Variants in OSBPL6 observed in about 807,000 individuals in gnomAD.
The protein encoded by OSBPL6 is oxysterol-binding protein-related protein 6.
In OSBPL6, 49 loss-of-function variants were observed where a neutral mutation model predicts 125.8. The observed-to-expected ratio is 0.39, with a 90% confidence interval of 0.31 to 0.49. The LOEUF (loss-of-function observed/expected upper bound fraction) is 0.49. Ranked by LOEUF, OSBPL6 falls within the 20% of genes least tolerant of loss-of-function variation. OSBPL6 has a pLI of 0.88. For synonymous variants in OSBPL6, 394 were observed against 391.8 expected (o/e 1.01, Z -0.07); for missense variants, 986 against 1,135.4 (o/e 0.87, Z 1.89).
At chr2:178,224,407 G>C (rs1314992394) in intron 1 of OSBPL6, among the ~76,000 whole-genome samples, 2 of 152,100 alleles carry the variant, frequency 1.3e-5, no homozygotes, top group Non-Finnish European at 2.9e-5. Flanking sequence ...AAGAACTTTG[G>C]AGACTTCTGA....
chr2:178,212,175 C>T (rs1483771916), intron 1 of OSBPL6, among the ~76,000 whole-genome samples: 1 of 152,158 alleles, frequency 6.6e-6, no homozygotes, highest in East Asian at 1.9e-4. Flanking sequence ...AAGCTCAGCA[C>T]ACTGTAGAGG....
chr2:178,200,160 G>A (rs2089164090), intron 1 of OSBPL6, among the ~76,000 whole-genome samples: 1 of 150,632 alleles, frequency 6.6e-6, no homozygotes, highest in South Asian at 2.1e-4. Flanking sequence ...GCTTCTTTTT[G>A]CTTTTAAAAT....
chr2:178,255,517 G>A (rs538394917), intron 1 of OSBPL6, among the ~76,000 whole-genome samples: 1 of 152,286 alleles, frequency 6.6e-6, no homozygotes, highest in South Asian at 2.1e-4. Flanking sequence ...TGAGATTTGG[G>A]TGGGGACACA....
chr2:178,300,238 G>A (rs868861326), intron 2 of OSBPL6, among the ~76,000 whole-genome samples: 123 of 152,302 alleles, frequency 8.1e-4, no homozygotes, highest in African/African-American at 2.6e-3. Flanking sequence ...ATTAGAAAAA[G>A]TGGCAGCGTT....
At chr2:178,323,211 A>G (rs1358097537) in intron 3 of OSBPL6, among the ~76,000 whole-genome samples, 2 of 152,158 alleles carry the variant, frequency 1.3e-5, no homozygotes, top group African/African-American at 4.8e-5. Context: ...CTTGAATCTG[A>G]TGGGTAAAAG....
rs2089695280 is a variant in OSBPL6 at position 178,208,920 on chromosome 2, TA to T, written c.-351+14247del. On this transcript the variant is annotated intron_variant, in intron 1 of 24. Transcript: ENST00000190611. The stretch of plus-strand genomic sequence containing the variant: ...TTACACTATTCTCATTCTTGATTTA[TA>T]GTCTGGGCCTAAAATTCAAGGTTGG... Among the ~76,000 whole-genome samples the T allele has an allele frequency of 1.2e-4, 17 of 145,012 alleles. No homozygotes were observed. In the Admixed American group the frequency reaches 1.2e-3, roughly 10 times the overall value.
chr2:178,325,587 A>G (rs1688630869), intron 4 of OSBPL6, among the ~76,000 whole-genome samples: 1 of 150,712 alleles, frequency 6.6e-6, no homozygotes, highest in Non-Finnish European at 1.5e-5. Flanking sequence ...AGTTAGCTAA[A>G]GGAAATAGAG....
intron 22 of OSBPL6, 103 bp downstream of exon 22, chr2:178,391,320 A>T: frequency 7.8e-7 from 1 of 1,280,168 alleles, no homozygotes; most frequent in Non-Finnish European, 1.0e-6. Flanking sequence ...GTTTCCTTTA[A>T]GAGTGAGATT....
rs889320715 is a variant in OSBPL6, at chr2:178,398,798, A to G, written c.*3239A>G. 2.0e-5 allele frequency: 3 copies of G among 152,172 alleles called. No homozygotes were observed. Among genetic ancestry groups the G allele is most frequent in the Non-Finnish European group, 4.4e-5 (3 of 68,020 alleles). 9.4% of individuals were successfully genotyped at this position (152,172 alleles called of 1,614,324 possible). ...CCCTAGGCCTTTCAGCAACCCCACT[A>G]ATCAATTATTAGATCCTGCCCCAAG... On this transcript the variant is annotated 3_prime_UTR_variant, in exon 25 of 25. Coordinates refer to ENST00000190611, the MANE Select transcript of OSBPL6 (RefSeq NM_032523.4).
intron 1 of OSBPL6, among the ~76,000 whole-genome samples, chr2:178,236,493 C>T (rs2091057139): frequency 6.6e-6 from 1 of 152,156 alleles, no homozygotes; most frequent in Non-Finnish European, 1.5e-5. Flanking sequence ...CTGTGTGGGC[C>T]TGCTACCCCT....
chr2:178,287,602 A>G (rs1189328373), intron 2 of OSBPL6, among the ~76,000 whole-genome samples: 1 of 152,184 alleles, frequency 6.6e-6, no homozygotes, highest in Non-Finnish European at 1.5e-5. Context: ...CTATAGGAGA[A>G]AAAAACTGAA....
intron 12 of OSBPL6, among the ~76,000 whole-genome samples, chr2:178,360,848 A>C (rs190613404): frequency 4.8e-4 from 73 of 152,332 alleles, no homozygotes; most frequent in Admixed American, 1.6e-3. Context: ...TTCCCCCTGT[A>C]ATTCAGCCAC....
At position 178,298,694 on chromosome 2, in the gene OSBPL6, G is replaced by GT. The variant is rs757606940; in HGVS notation, c.-155-7336_-155-7335insT. On this transcript the variant is annotated intron_variant, in intron 2 of 24. Coordinates refer to ENST00000190611, the MANE Select transcript of OSBPL6 (RefSeq NM_032523.4). ...CACCATGCCCAGCCTATTTTTAGTT[G>GT]CTTTTTTTTTTGTTTTTTTTTTTTT... Among the ~76,000 whole-genome samples, 273 of 139,410 alleles carry GT rather than the reference G, an allele frequency of 2.0e-3. 5 individuals are homozygous for GT. The highest frequency in any genetic ancestry group is 6.8e-3 in the South Asian group (30 of 4,430). The allele number at this position is 139,410 out of a possible 152,430, so 91.5% of individuals were successfully genotyped here.
intron 8 of OSBPL6, among the ~76,000 whole-genome samples, chr2:178,334,565 G>A (rs887407241): frequency 3.9e-5 from 6 of 151,996 alleles, no homozygotes; most frequent in Non-Finnish European, 8.8e-5. Context: ...TGTCACCCAG[G>A]CTGGAGTGCA....
chr2:178,293,692 A>C (rs915641200), intron 2 of OSBPL6, among the ~76,000 whole-genome samples: 12 of 152,052 alleles, frequency 7.9e-5, no homozygotes, highest in Non-Finnish European at 1.0e-4. Context: ...TATATTGTCT[A>C]TAGTCTCCCT....
chr2:178,232,375 T>A (rs183339738), intron 1 of OSBPL6, among the ~76,000 whole-genome samples: 228 of 152,080 alleles, frequency 1.5e-3, no homozygotes, highest in Middle Eastern at 0.01. Context: ...CCCAGAGACA[T>A]AGGGCACCAA....
At chr2:178,387,676 A>G (rs903990871) in intron 20 of OSBPL6, among the ~76,000 whole-genome samples, 4 of 152,182 alleles carry the variant, frequency 2.6e-5, no homozygotes, top group Admixed American at 2.6e-4. Context: ...GAAGAGAGGG[A>G]GGTATTCCTA....
rs745513805 is a variant in OSBPL6, at chr2:178,391,198, A to C, written c.2427A>C (p.Ala809=). 8 of 1,609,168 alleles carry C rather than the reference A, an allele frequency of 5.0e-6. No individual in the cohort carries two copies. In the Admixed American group the frequency reaches 5.1e-5, roughly 10 times the overall value. ...TCTACTGTGGTGTGGCCCCCTCTGC[A>C]AAGTGCATTTGGAGACCAGGTGAGA... ...EGLYCGVAPS[A]KCIWRPGSMP... The change falls in exon 22 of 25, where the codon GCA becomes GCC. Residue 809 remains alanine, a synonymous_variant. Transcript: ENST00000190611.
At chr2:178,277,856 G>A (rs2092500130) in intron 1 of OSBPL6, among the ~76,000 whole-genome samples, 1 of 152,080 alleles carries the variant, frequency 6.6e-6, no homozygotes, top group South Asian at 2.1e-4. Context: ...CCTCCCGTTT[G>A]TTCTGCGGCT....
Sources: allele counts gnomAD v4.1 joint callset (sites outside exome capture counted in the v4.1 genomes callset), GRCh38; gene constraint gnomAD v4.1.1; transcripts MANE v1.5; gene names NCBI Gene and HGNC (gene_info 2026-07-23, HGNC 2026-07-21).